Variants in IFT172 observed in about 807,000 individuals in gnomAD.
The protein encoded by IFT172 is intraflagellar transport 172, also known as intraflagellar transport protein 172 homolog.
A neutral mutation model predicts 248.9 loss-of-function variants in IFT172; 164 were observed. The observed-to-expected ratio is 0.66, with a 90% CI of 0.58 to 0.75. The LOEUF (loss-of-function observed/expected upper bound fraction) is 0.75. IFT172 is among the 30% of genes least tolerant of loss of function. The probability of loss-of-function intolerance (pLI) is 0.00; values close to 1 mark genes in which losing one functional copy is unlikely to be tolerated. For synonymous variants in IFT172, 729 were observed against 791.6 expected, an observed-to-expected ratio of 0.92 and a Z score of 1.33; for missense variants, 1,950 against 2,192.4, an observed-to-expected ratio of 0.89 and a Z score of 2.21.
chr2:27,457,708 G>A lies in IFT172; in HGVS notation c.3159C>T (p.Leu1053=), dbSNP rs751712354. 16 of 1,613,942 alleles carry A rather than the reference G, an allele frequency of 9.9e-6. No homozygotes were observed. In the African/African-American group the frequency reaches 1.1e-4, roughly 11 times the overall value. Residue 1053 remains leucine (L), a synonymous_variant, in exon 29 of 48, where the codon CTC becomes CTT. Coordinates refer to ENST00000260570, the MANE Select transcript of IFT172 (RefSeq NM_015662.3). ...CTGTTGCCTTCCATTCCTGGGCCTC[G>A]AGGTAGTGGTACTCAGCCTCCTGTA... The part of the protein sequence containing the change: ...GRLQEAEYHY[L]EAQEWKATVN...
chr2:27,485,392 C>G lies in IFT172; in HGVS notation c.151G>C (p.Asp51His). Residue 51 changes from aspartate to histidine, a missense_variant, in exon 2 of 48, where the codon GAT becomes CAT. Around this residue, in one of 3 missense-constraint regions of IFT172, gnomAD observed 1,166 missense variants for 1,254.1 expected, o/e 0.93. Transcript: ENST00000260570. ...LLYDEHGERR[D>H]KFSTKPADMK... Reference sequence around the variant, plus strand: ...TCAGCTGGTTTGGTGGAGAATTTATCTCTCCGTTCTCCATGTTCATCATAC... The same window carrying G: ...TCAGCTGGTTTGGTGGAGAATTTATGTCTCCGTTCTCCATGTTCATCATAC... 1.2e-6 allele frequency: 2 copies of G among 1,614,122 alleles called. No individual in the cohort carries two copies. Among genetic ancestry groups the G allele is most frequent in the South Asian group, 2.2e-5 (2 of 91,076 alleles).
At position 27,459,759 on chromosome 2, in the gene IFT172, C is replaced by T. The variant is rs547069532; in HGVS notation, c.2592G>A (p.Leu864=). The T allele has an allele frequency of 3.7e-6, 6 of 1,613,068 alleles. No homozygotes were observed. The South Asian group carries it at 5.5e-5, about 15-fold the overall frequency. The part of the protein sequence containing the change: ...VKLEEAWGDH[L]VQQKQLDAAI... ...CTGCATCAAGCTGCTTCTGCTGCACCAGGTGGTCCCCCCATGCCTCCTCTA... is the reference window on the plus strand; with the variant it reads ...CTGCATCAAGCTGCTTCTGCTGCACTAGGTGGTCCCCCCATGCCTCCTCTA... The change falls in exon 24 of 48, where the codon CTG becomes CTA. Residue 864 remains leucine (L), a synonymous_variant. Coordinates refer to ENST00000260570, the MANE Select transcript of IFT172 (RefSeq NM_015662.3).
At position 27,449,525 on chromosome 2, in the gene IFT172, G is replaced by A. The variant is rs1665460242; in HGVS notation, c.4198C>T (p.Leu1400Phe). The change falls in exon 38 of 48, where the codon CTC becomes TTC. Residue 1400 changes from leucine (L) to phenylalanine (F), a missense_variant. Leu to Phe is a conservative substitution (Grantham distance 22). Transcript: ENST00000260570. ...GAGTCCACTTTGCCCTGATTCTTGA[G>A]GAACTCTTTATAATGCTGGTCCACA... The part of the protein sequence containing the change: ...DYVDQHYKEF[L>F]KNQGKVDSLV... 4 of 1,614,028 alleles carry A rather than the reference G, an allele frequency of 2.5e-6. No homozygotes were observed. The highest frequency in any genetic ancestry group is 3.4e-6 in the Non-Finnish European group (4 of 1,180,018).
intron 39 of IFT172, 65 bp from the exon 40 acceptor site, chr2:27,449,096 C>A: frequency 9.0e-7 from 1 of 1,111,214 alleles, no homozygotes; most frequent in Admixed American, 1.7e-5. Flanking sequence ...AGTGAGGTGA[C>A]TTGAGGCCAT....
chr2:27,449,395 G>A lies in IFT172; in HGVS notation c.4225-15C>T. 6.2e-7 allele frequency: 1 copy of A among 1,614,184 alleles called. No homozygotes were observed. The highest frequency in any genetic ancestry group is 8.5e-7 in the Non-Finnish European group (1 of 1,180,028). ...ACACCCACCAGCTGGGTCAATGGAA[G>A]ACAGAGTTACAAGAGAAAAGAGATG... On this transcript the variant is annotated splice_polypyrimidine_tract_variant and intron_variant, in intron 38 of 47. Coordinates refer to ENST00000260570, the MANE Select transcript of IFT172 (RefSeq NM_015662.3).
intron 18 of IFT172, 58 bp from the exon 19 acceptor site, chr2:27,463,239 C>A: frequency 1.3e-6 from 2 of 1,492,866 alleles, no homozygotes; most frequent in Non-Finnish European, 1.9e-6. Context: ...ATCATTAATT[C>A]ATTGGTTCAG....
Position 27,457,859 on chromosome 2 carries a change from T to G in IFT172, c.3093A>C (p.Thr1031=). The G allele has an allele frequency of 6.2e-7, 1 of 1,614,112 alleles. No homozygotes were observed. The highest frequency in any genetic ancestry group is 8.5e-7 in the Non-Finnish European group (1 of 1,180,018). Residue 1031 remains threonine (T), a synonymous_variant, in exon 28 of 48, where the codon ACA becomes ACC. Coordinates refer to ENST00000260570, the MANE Select transcript of IFT172 (RefSeq NM_015662.3). ...GKHHPDLLSD[T]HLHLGKELEA... Reference sequence around the variant, plus strand: ...GGCTCACCTTGCCCAGATGTAGGTGTGTATCACTGAGGAGATCTGGATGGT... The same window carrying G: ...GGCTCACCTTGCCCAGATGTAGGTGGGTATCACTGAGGAGATCTGGATGGT...
At chr2:27,456,142 TG>T (rs1209366673) in intron 30 of IFT172, among the ~76,000 whole-genome samples, 1 of 151,518 alleles carries the variant, frequency 6.6e-6, no homozygotes, top group African/African-American at 2.4e-5. Flanking sequence ...AACCAGGAGG[TG>T]GAGGTTGCAG....
At chr2:27,456,478 T>C (rs1666172578) in intron 30 of IFT172, 33 bp downstream of exon 30, 4 of 1,596,900 alleles carry the variant, frequency 2.5e-6, no homozygotes, top group Non-Finnish European at 3.4e-6. Context: ...CTGGCTGGGA[T>C]GGGGCCCGTG....
At chr2:27,479,702 AGAG>A in intron 9 of IFT172, 98 bp from the exon 10 acceptor site, 1 of 852,452 alleles carries the variant, frequency 1.2e-6, no homozygotes, top group Non-Finnish European at 1.9e-6. Context: ...TCTAGAGTCT[AGAG>A]AAGAGTTGGC....
chr2:27,457,558 G>A, intron 29 of IFT172, 81 bp downstream of exon 29: 3 of 1,233,382 alleles, frequency 2.4e-6, no homozygotes, highest in Admixed American at 1.7e-5. Flanking sequence ...CTGGGTGACA[G>A]AGTGAGACCC....
At position 27,462,782 on chromosome 2, in the gene IFT172, T is replaced by C; in HGVS notation, c.2034A>G (p.Gly678=). 1.2e-6 allele frequency: 2 copies of C among 1,614,170 alleles called. No homozygotes were observed. Among genetic ancestry groups the C allele is most frequent in the Non-Finnish European group, 1.7e-6 (2 of 1,180,004 alleles). ...DQVSREYGGE[G]TDFYQVRARL... is the part of the protein sequence containing the mutation. ...GTGCTCGGACCTGATAAAAGTCTGTTCCTTCTCCGCCCTGTGGGGGAAAAA... is the reference window on the plus strand; with the variant it reads ...GTGCTCGGACCTGATAAAAGTCTGTCCCTTCTCCGCCCTGTGGGGGAAAAA... Residue 678 remains glycine (G), a synonymous_variant, in exon 20 of 48, where the codon GGA becomes GGG. Transcript: ENST00000260570.
At chr2:27,487,304 TC>T (rs2148563083) in intron 1 of IFT172, among the ~76,000 whole-genome samples, 1 of 152,316 alleles carries the variant, frequency 6.6e-6, no homozygotes, top group South Asian at 2.1e-4. Context: ...CTTCCTGATT[TC>T]CATAATCAAT....
chr2:27,452,747 C>A (rs1206258540), intron 35 of IFT172, among the ~76,000 whole-genome samples: 1 of 152,216 alleles, frequency 6.6e-6, no homozygotes, highest in Admixed American at 6.5e-5. Flanking sequence ...ATCCACCCAC[C>A]TCAGCTTCCC....
intron 20 of IFT172, among the ~76,000 whole-genome samples, chr2:27,462,187 C>T (rs1280598719): frequency 6.6e-6 from 1 of 152,104 alleles, no homozygotes; most frequent in Non-Finnish European, 1.5e-5. Context: ...CGTGTGCCAC[C>T]ACTCCTGGCT....
chr2:27,462,464 G>C (rs1296324826), intron 20 of IFT172, among the ~76,000 whole-genome samples: 1 of 152,192 alleles, frequency 6.6e-6, no homozygotes, highest in Non-Finnish European at 1.5e-5. Context: ...GACTGCTTAT[G>C]AAAGAAAGTA....
In IFT172 at chr2:27,461,841, G is replaced by C. The variant is rs754154643; in HGVS notation, c.2116-5C>G. ...CATGGCCTCCTCCACAGCATTCTAG[G>C]GGAAACAGGCAGAGCAGAGAGGGAC... is the stretch of plus-strand genomic sequence containing the variant. On this transcript the variant is annotated splice_region_variant and splice_polypyrimidine_tract_variant and intron_variant, in intron 20 of 47. Transcript: ENST00000260570. 6 of 1,613,988 alleles carry C rather than the reference G, an allele frequency of 3.7e-6. No individual in the cohort carries two copies. In the East Asian group the frequency reaches 6.7e-5, roughly 18 times the overall value.
At chr2:27,473,229 G>T (rs1667704181) in intron 14 of IFT172, among the ~76,000 whole-genome samples, 1 of 150,876 alleles carries the variant, frequency 6.6e-6, no homozygotes, top group African/African-American at 2.4e-5. Context: ...AATTAGCTGG[G>T]CGTGGTGGCT....
intron 35 of IFT172, among the ~76,000 whole-genome samples, chr2:27,451,576 A>C (rs1287480795): frequency 2.0e-5 from 3 of 152,158 alleles, no homozygotes; most frequent in Non-Finnish European, 4.4e-5. Flanking sequence ...ATCCTGGCTA[A>C]CACGGTGAAA....
Sources: gnomAD v4.1 joint callset for allele counts (sites outside exome capture counted in the v4.1 genomes callset) on GRCh38, gnomAD v4.1.1 for gene constraint, gnomAD v4.1.1 regional missense constraint, MANE v1.5 for transcripts, NCBI Gene and HGNC (gene_info 2026-07-23, HGNC 2026-07-21) for gene names.